Variants in PLPP3 observed in about 807,000 individuals in gnomAD.
The protein encoded by PLPP3 is phospholipid phosphatase 3.
Under a neutral mutation model 29.6 loss-of-function variants are expected in PLPP3, and 6 were observed. The observed-to-expected ratio is 0.20, with a 90% confidence interval of 0.11 to 0.40. The LOEUF (loss-of-function observed/expected upper bound fraction) is 0.40, where lower values mean the gene tolerates loss of function less well. Ranked by LOEUF, PLPP3 falls within the 10% of genes least tolerant of loss-of-function variation. The pLI, the probability that PLPP3 is intolerant of heterozygous loss-of-function variation, is 1.00. For synonymous variants in PLPP3, 152 were observed against 159.7 expected, an observed-to-expected ratio of 0.95 and a Z score of 0.36; for missense variants, 308 against 407.7, an observed-to-expected ratio of 0.76 and a Z score of 2.11.
Position 56,495,575 on chromosome 1 carries a change from C to A in PLPP3, c.*976G>T, listed in dbSNP as rs568940469. The A allele has an allele frequency of 6.5e-6, 1 of 152,836 alleles. No individual in the cohort carries two copies. Among genetic ancestry groups the A allele is most frequent in the East Asian group, 1.9e-4 (1 of 5,182 alleles). The allele number at this position is 152,836 out of a possible 1,614,324, so 9.5% of individuals were successfully genotyped here. On this transcript the variant is annotated 3_prime_UTR_variant, in exon 6 of 6. Transcript: ENST00000371250. ...TTCTCTGGCTCCTTCTGATTTGCAA[C>A]AGCTAAAAGGTTGGTTCGATTTTCA...
chr1:56,502,240 G>C (rs1162019551), intron 5 of PLPP3, among the ~76,000 whole-genome samples: 1 of 152,204 alleles, frequency 6.6e-6, no homozygotes, highest in Admixed American at 6.5e-5. Flanking sequence ...TAGGGTCCCT[G>C]AGTGTAAGTG....
chr1:56,563,311 T>C (rs555833729), intron 1 of PLPP3, among the ~76,000 whole-genome samples: 3 of 152,328 alleles, frequency 2.0e-5, no homozygotes, highest in East Asian at 1.9e-4. Context: ...CCCAACTGAA[T>C]AGGGGCCCTA....
At chr1:56,541,748 A>C (rs1051762248) in intron 1 of PLPP3, among the ~76,000 whole-genome samples, 3 of 152,180 alleles carry the variant, frequency 2.0e-5, no homozygotes, top group Admixed American at 2.0e-4. Context: ...TATAAGTATT[A>C]GTAAATTAAC....
chr1:56,548,200 A>C lies in PLPP3; in HGVS notation c.140-11088T>G, dbSNP rs146949580. ...CCCTCACCCTGGGAGCACACTCCCC[A>C]TTCCCAGTCCTGTCAATGTTCCTTT... On this transcript the variant is annotated intron_variant, in intron 1 of 5. Coordinates refer to ENST00000371250, the MANE Select transcript of PLPP3 (RefSeq NM_003713.5). Among the ~76,000 whole-genome samples the C allele has an allele frequency of 7.4e-4, 113 of 152,286 alleles. No homozygotes were observed. In the East Asian group the frequency reaches 0.019, roughly 25 times the overall value.
At position 56,560,236 on chromosome 1, in the gene PLPP3, T is replaced by C. The variant is rs376913327; in HGVS notation, c.139+18642A>G. Among the ~76,000 whole-genome samples the C allele has an allele frequency of 1.1e-4, 17 of 152,328 alleles. No individual in the cohort carries two copies. In the South Asian group the frequency reaches 3.3e-3, roughly 30 times the overall value. ...AACCTGGTGCATTAAAGGTGCTCAA[T>C]GCATATTTGTGGAAATGACTCATCA... On this transcript the variant is annotated intron_variant, in intron 1 of 5. Transcript: ENST00000371250.
At position 56,509,823 on chromosome 1, in the gene PLPP3, C is replaced by T. The variant is rs142242380; in HGVS notation, c.810+2153G>A. Among the ~76,000 whole-genome samples, 905 of 105,050 alleles carry T rather than the reference C, an allele frequency of 8.6e-3. 4 individuals carry two copies. The highest frequency in any genetic ancestry group is 0.058 in the Middle Eastern group (6 of 104). 68.9% of individuals were successfully genotyped at this position (105,050 alleles called of 152,430 possible). A position where few individuals can be genotyped will look rare whatever the true frequency, so the allele number is the denominator to read the frequency against. On this transcript the variant is annotated intron_variant, in intron 5 of 5. Coordinates refer to ENST00000371250, the MANE Select transcript of PLPP3 (RefSeq NM_003713.5). ...TTGCACTCTAGCCTGGGTGAGAGAG[C>T]GAGACTCTCAAAAAAAAAAAAAAAA...
rs1206282024 is a variant in PLPP3, at chr1:56,495,364, G to A, written c.*1187C>T. 6.6e-6 allele frequency: 1 copy of A among 152,552 alleles called. No homozygotes were observed. Among genetic ancestry groups the A allele is most frequent in the Non-Finnish European group, 1.5e-5 (1 of 68,034 alleles). The allele number at this position is 152,552 out of a possible 1,614,324, so 9.4% of individuals were successfully genotyped here. On this transcript the variant is annotated 3_prime_UTR_variant, in exon 6 of 6. Transcript: ENST00000371250. ...GGACCTTGCATGGAAGGACACTTACGGATAGAGGATGAGGGAAACTCTCTA... is the reference window on the plus strand; with the variant it reads ...GGACCTTGCATGGAAGGACACTTACAGATAGAGGATGAGGGAAACTCTCTA...
Position 56,496,635 on chromosome 1 carries a change from G to T in PLPP3, c.852C>A (p.Leu284=). 6.2e-7 allele frequency: 1 copy of T among 1,613,932 alleles called. No homozygotes were observed. ...VSDLFKTKTT[L]SLPAPAIRKE... is the part of the protein sequence containing the mutation. The stretch of plus-strand genomic sequence containing the variant: ...TCCGGATAGCAGGGGCAGGCAGGGA[G>T]AGCGTCGTCTTAGTCTTGAAGAGGT... The change falls in exon 6 of 6, where the codon CTC becomes CTA. Residue 284 remains leucine, a synonymous_variant. Transcript: ENST00000371250.
In PLPP3 at chr1:56,495,063, A is replaced by G. The variant is rs997434429; in HGVS notation, c.*1488T>C. On this transcript the variant is annotated 3_prime_UTR_variant, in exon 6 of 6. Transcript: ENST00000371250. ...ACAGGTCGAGACACAGTTTATAATC[A>G]TAGTGGATATAGCTAAATTGTTTCA... 9 of 152,578 alleles carry G rather than the reference A, an allele frequency of 5.9e-5. No homozygotes were observed. The East Asian group carries it at 1.7e-3, about 29-fold the overall frequency. The allele number at this position is 152,578 out of a possible 1,614,324, so 9.5% of individuals were successfully genotyped here. A position where few individuals can be genotyped will look rare whatever the true frequency, so the allele number is the denominator to read the frequency against.
intron 1 of PLPP3, among the ~76,000 whole-genome samples, chr1:56,575,500 G>A (rs77723716): frequency 0.043 from 6,511 of 152,270 alleles, 341 homozygotes; most frequent in East Asian, 0.16. Context: ...TTACTGACTG[G>A]AAGACTGGGA....
chr1:56,496,428 C>G lies in PLPP3; in HGVS notation c.*123G>C. 8.0e-7 allele frequency: 1 copy of G among 1,256,406 alleles called. No individual in the cohort carries two copies. The highest frequency in any genetic ancestry group is 1.1e-6 in the Non-Finnish European group (1 of 918,034). 77.8% of individuals were successfully genotyped at this position (1,256,406 alleles called of 1,614,324 possible). A position where few individuals can be genotyped will look rare whatever the true frequency, so the allele number is the denominator to read the frequency against. On this transcript the variant is annotated 3_prime_UTR_variant, in exon 6 of 6. Transcript: ENST00000371250. ...CACATAGTAAAACATTTTTTTTTTC[C>G]TTTTTAAAAATCAGTCGGGCAAAAG...
At chr1:56,547,863 C>G (rs1233640261) in intron 1 of PLPP3, among the ~76,000 whole-genome samples, 3 of 152,216 alleles carry the variant, frequency 2.0e-5, no homozygotes, top group African/African-American at 7.2e-5. Flanking sequence ...GCCACTGACA[C>G]TCTATGTGAT....
chr1:56,531,191 T>C (rs1332294234), intron 2 of PLPP3, among the ~76,000 whole-genome samples: 3 of 152,204 alleles, frequency 2.0e-5, no homozygotes, highest in Non-Finnish European at 4.4e-5. Flanking sequence ...TGAACTCCCA[T>C]AGCACTTTAT....
intron 1 of PLPP3, among the ~76,000 whole-genome samples, chr1:56,555,464 A>AAAAAAAAAAC (rs1557512872): frequency 6.7e-6 from 1 of 149,454 alleles, no homozygotes; most frequent in Non-Finnish European, 1.5e-5. Flanking sequence ...AAAAAAACAA[A>AAAAAAAAAAC]AAACAAACAA....
chr1:56,573,954 C>A (rs1048755874), intron 1 of PLPP3, among the ~76,000 whole-genome samples: 1 of 152,162 alleles, frequency 6.6e-6, no homozygotes, highest in Non-Finnish European at 1.5e-5. Flanking sequence ...GTAATCCCAG[C>A]ACTTTGGGAG....
intron 4 of PLPP3, 164 bp from the exon 5 acceptor site, chr1:56,512,316 T>A (rs1389691115): frequency 1.5e-6 from 1 of 658,142 alleles, no homozygotes; most frequent in Non-Finnish European, 2.4e-6. Context: ...GCCAGTTATT[T>A]AAATGCTGAG....
intron 4 of PLPP3, chr1:56,512,744 G>A (rs1464265376): frequency 6.6e-6 from 1 of 152,188 alleles, no homozygotes; most frequent in Non-Finnish European, 1.5e-5. Flanking sequence ...TATAATATAT[G>A]TAAATGGCCT....
intron 1 of PLPP3, 96 bp downstream of exon 1, chr1:56,578,781 GC>G: frequency 8.2e-7 from 1 of 1,222,090 alleles, no homozygotes; most frequent in Middle Eastern, 3.1e-4. Context: ...AGCTGACGGC[GC>G]GGCGCGGCGC....
chr1:56,546,655 C>G (rs1646008527), intron 1 of PLPP3, among the ~76,000 whole-genome samples: 1 of 152,118 alleles, frequency 6.6e-6, no homozygotes. Flanking sequence ...GGCTTAGAAG[C>G]TAAGTAACTT....
Sources: allele counts gnomAD v4.1 joint callset (sites outside exome capture counted in the v4.1 genomes callset), GRCh38; gene constraint gnomAD v4.1.1; transcripts MANE v1.5; gene names NCBI Gene and HGNC (gene_info 2026-07-23, HGNC 2026-07-21).